The following MAST2 variants were observed in gnomAD, a reference collection of about 807,000 sequenced individuals.
MAST2 encodes microtubule associated serine/threonine kinase 2.
MAST2 carries 70 observed loss-of-function variants against 147.4 expected under a neutral mutation model. The observed-to-expected ratio is 0.47, with a 90% CI of 0.39 to 0.58. MAST2 has a LOEUF of 0.58. Among genes scored for constraint, MAST2 ranks in the 20% least tolerant of loss-of-function variants. The probability of loss-of-function intolerance (pLI) is 0.00; values close to 1 mark genes in which losing one functional copy is unlikely to be tolerated. For synonymous variants in MAST2, 869 were observed against 896.8 expected (o/e 0.97, Z 0.55); for missense variants, 2,080 against 2,302.3 (o/e 0.90, Z 1.98).
At position 46,034,852 on chromosome 1, in the gene MAST2, G is replaced by A. The variant is rs779709183; in HGVS notation, c.4183G>A (p.Glu1395Lys). 1.9e-6 allele frequency: 3 copies of A among 1,614,078 alleles called. No homozygotes were observed. The highest frequency in any genetic ancestry group is 1.3e-5 in the African/African-American group (1 of 74,930). Residue 1395 changes from glutamate to lysine, a missense_variant, in exon 29 of 29, where the codon GAG becomes AAG. Transcript: ENST00000361297. ...GCAACTCTCACGGCCCAAGAGTGCG[G>A]AGCCACCCCGTTCACCACTACTCAA... ...GRQLSRPKSA[E>K]PPRSPLLKRV... is the part of the protein sequence containing the mutation.
chr1:45,855,116 GA>G (rs892752038), intron 3 of MAST2, among the ~76,000 whole-genome samples: 31 of 152,228 alleles, frequency 2.0e-4, no homozygotes, highest in African/African-American at 7.5e-4. Context: ...GGGTGAGGTG[GA>G]AAGTTCCAAT....
chr1:45,987,126 CTAAGT>C lies in MAST2; in HGVS notation c.593-10596_593-10592del, dbSNP rs1241319809. Among the ~76,000 whole-genome samples, 4 of 152,296 alleles carry C rather than the reference CTAAGT, an allele frequency of 2.6e-5. No homozygotes were observed. The East Asian group carries it at 7.7e-4, about 29-fold the overall frequency. On this transcript the variant is annotated intron_variant, in intron 5 of 28. Coordinates refer to ENST00000361297, the MANE Select transcript of MAST2 (RefSeq NM_015112.3). ...TCTTTCAAAGAATTTTCAGTCTCCT[CTAAGT>C]TGTCAAATTAATTAACATAAAGTTG...
chr1:45,980,848 T>G (rs541335314), intron 5 of MAST2, among the ~76,000 whole-genome samples: 2 of 152,186 alleles, frequency 1.3e-5, no homozygotes, highest in Non-Finnish European at 2.9e-5. Flanking sequence ...AATGTTGTTA[T>G]AACATCTTAA....
At chr1:45,813,486 C>G (rs999424560) in intron 1 of MAST2, among the ~76,000 whole-genome samples, 1 of 147,502 alleles carries the variant, frequency 6.8e-6, no homozygotes, top group Non-Finnish European at 1.5e-5. Flanking sequence ...GCCGCCACCA[C>G]GCCTGGCCAA....
intron 5 of MAST2, among the ~76,000 whole-genome samples, chr1:45,983,885 G>T (rs532585716): frequency 6.6e-6 from 1 of 152,302 alleles, no homozygotes; most frequent in East Asian, 1.9e-4. Flanking sequence ...TAGGGCGAAG[G>T]TGATATTTTA....
intron 4 of MAST2, among the ~76,000 whole-genome samples, chr1:45,948,764 G>A (rs1423933152): frequency 7.6e-6 from 1 of 131,068 alleles, no homozygotes; most frequent in African/African-American, 2.8e-5. Flanking sequence ...AGCCCAAATC[G>A]CCAAGGCAAT....
intron 3 of MAST2, among the ~76,000 whole-genome samples, chr1:45,840,392 A>G (rs1007230830): frequency 6.6e-6 from 1 of 152,214 alleles, no homozygotes; most frequent in Admixed American, 6.5e-5. Context: ...TATTTGAATG[A>G]AATCATTGTG....
chr1:45,810,264 C>G (rs1644251638), intron 1 of MAST2, among the ~76,000 whole-genome samples: 1 of 152,128 alleles, frequency 6.6e-6, no homozygotes, highest in African/African-American at 2.4e-5. Flanking sequence ...ACTTTAGTTC[C>G]TAAAATACCC....
rs1646824057 is a variant in MAST2 at position 46,034,641 on chromosome 1, C to G, written c.3972C>G (p.Pro1324=). 2 of 1,614,044 alleles carry G rather than the reference C, an allele frequency of 1.2e-6. 1 individual carries two copies. Among genetic ancestry groups the G allele is most frequent in the African/African-American group, 2.7e-5 (2 of 74,910 alleles). Residue 1324 remains proline, a synonymous_variant, in exon 29 of 29, where the codon CCC becomes CCG. Transcript: ENST00000361297. The stretch of plus-strand genomic sequence containing the variant: ...CCAGCTCCCTCCACGGTCTGGCACC[C>G]AAGCTCCAACGCCAGTACCGCTCTC... ...TRPSSLHGLA[P]KLQRQYRSPR...
intron 12 of MAST2, among the ~76,000 whole-genome samples, 176 bp downstream of exon 12, chr1:46,022,258 G>C (rs1646219913): frequency 6.6e-6 from 1 of 152,188 alleles, no homozygotes; most frequent in Admixed American, 6.5e-5. Context: ...CTTTACTTTG[G>C]AACTGCTGTT....
chr1:45,986,716 CAAAAAAAA>C (rs201589013), intron 5 of MAST2, among the ~76,000 whole-genome samples: 62,724 of 120,404 alleles, frequency 0.52, 13,873 homozygotes, highest in East Asian at 0.66. Flanking sequence ...GACTCCGTCT[CAAAAAAAA>C]AAAAAAAAAA....
chr1:45,847,635 G>A, intron 3 of MAST2: 1 of 557,570 alleles, frequency 1.8e-6, no homozygotes, highest in Non-Finnish European at 3.1e-6. Flanking sequence ...CCACAGAGGA[G>A]CTCTGCACTC....
chr1:46,036,099 T>G lies in MAST2; in HGVS notation c.*33T>G. 3 of 1,542,350 alleles carry G rather than the reference T, an allele frequency of 1.9e-6. No individual in the cohort carries two copies. Among genetic ancestry groups the G allele is most frequent in the Non-Finnish European group, 2.6e-6 (3 of 1,141,788 alleles). On this transcript the variant is annotated 3_prime_UTR_variant, in exon 29 of 29. Coordinates refer to ENST00000361297, the MANE Select transcript of MAST2 (RefSeq NM_015112.3). ...TTGCCATTTCTTGCACTCAGACCTGTGTAATATATGCTCCTGGAAACCATC... is the reference window on the plus strand; with the variant it reads ...TTGCCATTTCTTGCACTCAGACCTGGGTAATATATGCTCCTGGAAACCATC...
At chr1:45,977,168 AAG>A (rs1644194651) in intron 5 of MAST2, among the ~76,000 whole-genome samples, 1 of 152,248 alleles carries the variant, frequency 6.6e-6, no homozygotes, top group East Asian at 1.9e-4. Context: ...TATAAAGGAT[AAG>A]ATTCCTAAAT....
chr1:45,947,302 G>A (rs1351874565), intron 4 of MAST2, among the ~76,000 whole-genome samples: 1 of 77,270 alleles, frequency 1.3e-5, no homozygotes, highest in African/African-American at 4.5e-5. Context: ...TAGCTGATGA[G>A]CTTTAAAAAA....
chr1:45,805,571 G>A (rs1644117972), intron 1 of MAST2, among the ~76,000 whole-genome samples: 1 of 152,136 alleles, frequency 6.6e-6, no homozygotes, highest in African/African-American at 2.4e-5. Flanking sequence ...TCAAGTCCAG[G>A]TCCTTTCCTG....
chr1:46,035,650 C>A lies in MAST2; in HGVS notation c.4981C>A (p.Leu1661Ile). Residue 1661 changes from leucine (L) to isoleucine (I), a missense_variant, in exon 29 of 29, where the codon CTT (leucine) becomes ATT (isoleucine). By Grantham distance (5) the Leu-to-Ile change is conservative (BLOSUM62 2). Transcript: ENST00000361297. The surrounding 1 kb of genome is among the most constrained non-coding windows in gnomAD (Gnocchi z 5.5). Reference protein sequence around the residue: ...GKLSMWSWKSLIEGPDRASPS... With the variant: ...GKLSMWSWKSIIEGPDRASPS... ...GCTGAGCATGTGGTCCTGGAAATCCCTTATTGAGGGCCCAGACAGGGCATC... is the reference window on the plus strand; with the variant it reads ...GCTGAGCATGTGGTCCTGGAAATCCATTATTGAGGGCCCAGACAGGGCATC... 3.1e-6 allele frequency: 5 copies of A among 1,613,934 alleles called. No individual in the cohort carries two copies. Among genetic ancestry groups the A allele is most frequent in the Non-Finnish European group, 4.2e-6 (5 of 1,180,012 alleles).
chr1:45,951,269 T>C (rs1658888425), intron 4 of MAST2, among the ~76,000 whole-genome samples: 1 of 151,818 alleles, frequency 6.6e-6, no homozygotes, highest in Non-Finnish European at 1.5e-5. Flanking sequence ...AAGATTAGTA[T>C]ATTTAAAATT....
At chr1:45,820,776 T>G (rs1644597177) in intron 1 of MAST2, among the ~76,000 whole-genome samples, 1 of 151,792 alleles carries the variant, frequency 6.6e-6, no homozygotes, top group Non-Finnish European at 1.5e-5. Context: ...CATTTCAACT[T>G]GAAGATGCCT....
Sources: gnomAD v4.1 joint callset for allele counts (sites outside exome capture counted in the v4.1 genomes callset) on GRCh38, gnomAD v4.1.1 for gene constraint, Gnocchi (gnomAD v3.1) non-coding constraint, MANE v1.5 for transcripts, NCBI Gene and HGNC (gene_info 2026-07-23, HGNC 2026-07-21) for gene names.